Variants in NAV3 observed in about 807,000 individuals in gnomAD.
NAV3 encodes the protein pore membrane and/or filament interacting like protein 1.
A neutral mutation model predicts 244.7 loss-of-function variants in NAV3; 87 were observed. That is an observed-to-expected ratio of 0.36 (90% CI 0.30 to 0.42). NAV3 has a LOEUF of 0.42. NAV3 is among the 20% of genes least tolerant of loss of function. The probability of loss-of-function intolerance (pLI) is 1.00; values close to 1 mark genes in which losing one functional copy is unlikely to be tolerated. For missense variants in NAV3, 2,663 were observed against 2,893.3 expected (o/e 0.92, Z 1.83); for synonymous variants, 1,126 against 1,042.2 (o/e 1.08, Z -1.55).
chr12:78,063,964 C>T (rs575737471), intron 12 of NAV3, among the ~76,000 whole-genome samples: 1 of 152,222 alleles, frequency 6.6e-6, no homozygotes, highest in East Asian at 1.9e-4. Flanking sequence ...AGTTTTATTT[C>T]ATTTCAAGGC....
chr12:78,009,033 A>C (rs531101064), intron 8 of NAV3, among the ~76,000 whole-genome samples: 5 of 152,376 alleles, frequency 3.3e-5, no homozygotes, highest in Admixed American at 6.5e-5. Flanking sequence ...TTCATAGGAA[A>C]GTGTAAATCT....
chr12:77,787,710 A>T (rs1266291048), intron 2 of NAV3, among the ~76,000 whole-genome samples: 4 of 152,176 alleles, frequency 2.6e-5, no homozygotes, highest in African/African-American at 9.7e-5. Context: ...CTACAATTCA[A>T]CATGAGATTT....
At chr12:77,697,938 G>T (rs1468802478) in intron 2 of NAV3, among the ~76,000 whole-genome samples, 39 of 152,118 alleles carry the variant, frequency 2.6e-4, no homozygotes, top group Admixed American at 2.6e-3. Context: ...TGATAGTGTA[G>T]AGAAAACAGA....
intron 12 of NAV3, among the ~76,000 whole-genome samples, chr12:78,069,075 TC>T (rs1952622708): frequency 6.6e-6 from 1 of 152,026 alleles, no homozygotes; most frequent in Non-Finnish European, 1.5e-5. Context: ...TTCTGCATCT[TC>T]CTCACTCCGG....
chr12:78,165,299 T>TTGCAGAATTATCCCAGCCTCAATCTTCTC (rs1957732757), intron 23 of NAV3, among the ~76,000 whole-genome samples: 1 of 152,032 alleles, frequency 6.6e-6, no homozygotes, highest in Non-Finnish European at 1.5e-5. Flanking sequence ...CTAAAATCCT[T>TTGCAGAATTATCCCAGCCTCAATCTTCTC]TGCAGAATTA....
intron 18 of NAV3, among the ~76,000 whole-genome samples, chr12:78,136,693 A>G (rs1195308318): frequency 6.6e-6 from 1 of 152,198 alleles, no homozygotes; most frequent in African/African-American, 2.4e-5. Flanking sequence ...CTAATCATGA[A>G]CTTACATCAA....
intron 2 of NAV3, among the ~76,000 whole-genome samples, chr12:77,628,721 T>TAA (rs897954264): frequency 6.3e-5 from 9 of 143,884 alleles, no homozygotes; most frequent in Non-Finnish European, 1.2e-4. Context: ...CTATCTCTAC[T>TAA]AAAAAAAAAA....
chr12:77,620,320 G>T (rs1871319179), intron 2 of NAV3, among the ~76,000 whole-genome samples: 1 of 152,144 alleles, frequency 6.6e-6, no homozygotes, highest in South Asian at 2.1e-4. Context: ...CTCAATAAAT[G>T]TAATAGTTTT....
intron 22 of NAV3, among the ~76,000 whole-genome samples, chr12:78,150,907 G>T (rs1436449670): frequency 6.6e-6 from 1 of 151,862 alleles, no homozygotes; most frequent in East Asian, 1.9e-4. Flanking sequence ...ACAGGTTCTT[G>T]CATTTTTTTA....
intron 12 of NAV3, among the ~76,000 whole-genome samples, chr12:78,079,272 T>C (rs1953225275): frequency 6.6e-6 from 1 of 152,192 alleles, no homozygotes; most frequent in South Asian, 2.1e-4. Context: ...GATTTTTAGA[T>C]ATAAAGACTC....
chr12:78,197,493 T>A, intron 35 of NAV3, 92 bp downstream of exon 35: 4 of 888,418 alleles, frequency 4.5e-6, no homozygotes, highest in Non-Finnish European at 6.5e-6. Flanking sequence ...AAAATTTGTT[T>A]AATATTTAAT....
chr12:77,608,233 A>T (rs1204891142), intron 2 of NAV3, among the ~76,000 whole-genome samples: 1 of 152,110 alleles, frequency 6.6e-6, no homozygotes, highest in African/African-American at 2.4e-5. Flanking sequence ...ATATGGACAT[A>T]CTGTAATGTT....
chr12:78,168,332 A>G (rs1013848222), intron 23 of NAV3, among the ~76,000 whole-genome samples: 4 of 151,850 alleles, frequency 2.6e-5, no homozygotes, highest in African/African-American at 7.2e-5. Context: ...TTCATTTGAC[A>G]AAACTTCAGG....
At chr12:77,942,238 G>A (rs1027698079) in intron 3 of NAV3, among the ~76,000 whole-genome samples, 1 of 152,056 alleles carries the variant, frequency 6.6e-6, no homozygotes, top group African/African-American at 2.4e-5. Context: ...CAGGTGTGGT[G>A]GCGCATGCCT....
At position 77,991,552 on chromosome 12, in the gene NAV3, T is replaced by C. The variant is rs929638144; in HGVS notation, c.672-3251T>C. Among the ~76,000 whole-genome samples the C allele has an allele frequency of 2.6e-5, 4 of 152,274 alleles. No homozygotes were observed. In the East Asian group the frequency reaches 7.7e-4, roughly 29 times the overall value. ...GTGATAAAATGTTGCATAGACTTGG[T>C]GTAATTTAAGGTGATACTTGAAAAA... On this transcript the variant is annotated intron_variant, in intron 5 of 39. Coordinates refer to ENST00000397909, the MANE Select transcript of NAV3 (RefSeq NM_001024383.2).
chr12:78,076,939 G>T (rs1475551970), intron 12 of NAV3, among the ~76,000 whole-genome samples: 2 of 152,038 alleles, frequency 1.3e-5, no homozygotes, highest in Non-Finnish European at 2.9e-5. Context: ...ATATCTGATG[G>T]TAATTTACTT....
intron 1 of NAV3, among the ~76,000 whole-genome samples, chr12:77,917,795 CA>C (rs1335456983): frequency 1.3e-5 from 2 of 151,990 alleles, no homozygotes; most frequent in African/African-American, 4.8e-5. Context: ...TGTTTGAAGA[CA>C]AACGTTTCAG....
chr12:77,917,717 G>A (rs1181872718), intron 1 of NAV3, among the ~76,000 whole-genome samples: 1 of 151,998 alleles, frequency 6.6e-6, no homozygotes, highest in African/African-American at 2.4e-5. Flanking sequence ...AGGCCAGAGT[G>A]TTTCTTTTTC....
chr12:77,659,832 G>T (rs908270475), intron 2 of NAV3, among the ~76,000 whole-genome samples: 4 of 151,986 alleles, frequency 2.6e-5, no homozygotes, highest in Non-Finnish European at 4.4e-5. Context: ...AAACTGGAAA[G>T]CATCATTCTC....
Sources: gnomAD v4.1 joint callset for allele counts (sites outside exome capture counted in the v4.1 genomes callset) on GRCh38, gnomAD v4.1.1 for gene constraint, MANE v1.5 for transcripts, NCBI Gene and HGNC (gene_info 2026-07-23, HGNC 2026-07-21) for gene names.